TULP4: variants seen among roughly 807,000 people sequenced by gnomAD.
TULP4 encodes the protein TUB like protein 4, also known as tubby-related protein 4.
A neutral mutation model predicts 129.0 loss-of-function variants in TULP4; 16 were observed. The ratio of observed to expected loss-of-function variants is 0.12; its 90% CI spans 0.08 to 0.19. The LOEUF is 0.19. Ranked by LOEUF, TULP4 falls within the 10% of genes least tolerant of loss-of-function variation. The pLI is 1.00. For synonymous variants in TULP4, 998 were observed against 854.0 expected (o/e 1.17, Z -2.94); for missense variants, 1,842 against 2,059.1 (o/e 0.89, Z 2.04).
chr6:158,342,297 C>T (rs1562527169), intron 1 of TULP4, among the ~76,000 whole-genome samples: 1 of 152,194 alleles, frequency 6.6e-6, no homozygotes, highest in Non-Finnish European at 1.5e-5. Flanking sequence ...CTTTGTAAGG[C>T]TCTTTCTATT....
intron 1 of TULP4, among the ~76,000 whole-genome samples, chr6:158,318,729 T>A (rs368292294): frequency 2.0e-5 from 3 of 152,120 alleles, no homozygotes; most frequent in African/African-American, 7.2e-5. Context: ...ATCTTTTTTT[T>A]TTATTTAATT....
chr6:158,251,445 CTT>C (rs948630008), intron 1 of TULP4, among the ~76,000 whole-genome samples: 1 of 148,600 alleles, frequency 6.7e-6, no homozygotes, highest in African/African-American at 2.4e-5. Context: ...ATGATTCTAA[CTT>C]AGACTTAATA....
At position 158,401,600 on chromosome 6, in the gene TULP4, G is replaced by A. The variant is rs564081369; in HGVS notation, c.253-11465G>A. 8.0e-3 allele frequency among the ~76,000 whole-genome samples: 1,122 copies of A among 139,398 alleles called. 8 individuals carry two copies. Among genetic ancestry groups the A allele is most frequent in the East Asian group, 0.02 (64 of 3,208 alleles). 91.5% of individuals were successfully genotyped at this position (139,398 alleles called of 152,430 possible). A position where few individuals can be genotyped will look rare whatever the true frequency, so the allele number is the denominator to read the frequency against. On this transcript the variant is annotated intron_variant, in intron 1 of 13. Transcript: ENST00000367097. ...CATCTGGAAGCACTGCAGAAAACCCGTGCAGAGTCAAGCTGTGGGCCCAGG... is the reference window on the plus strand; with the variant it reads ...CATCTGGAAGCACTGCAGAAAACCCATGCAGAGTCAAGCTGTGGGCCCAGG...
chr6:158,256,305 A>C (rs1355729110), intron 1 of TULP4, among the ~76,000 whole-genome samples: 1 of 152,232 alleles, frequency 6.6e-6, no homozygotes, highest in Non-Finnish European at 1.5e-5. Flanking sequence ...GTGTTTCTGT[A>C]TGTATGTATA....
At chr6:158,427,992 G>GCA (rs1778540051) in intron 2 of TULP4, 2 of 151,298 alleles carry the variant, frequency 1.3e-5, no homozygotes, top group Non-Finnish European at 1.5e-5. Flanking sequence ...TGGTGGTGGT[G>GCA]CGTGCCTGTA....
At position 158,455,115 on chromosome 6, in the gene TULP4, C is replaced by T. The variant is rs1371462541; in HGVS notation, c.859+2847C>T. ...CGGAGTCTCGCTCTGTTGCCCAGGCCGGACTGCGGACTGCAATGGCGCAAT... is the reference window on the plus strand; with the variant it reads ...CGGAGTCTCGCTCTGTTGCCCAGGCTGGACTGCGGACTGCAATGGCGCAAT... On this transcript the variant is annotated intron_variant, in intron 5 of 13. Transcript: ENST00000367097. Among the ~76,000 whole-genome samples, 8 of 69,276 alleles carry T rather than the reference C, an allele frequency of 1.2e-4. 2 individuals are homozygous for T. The highest frequency in any genetic ancestry group is 8.4e-4 in the Admixed American group (6 of 7,180). 45.4% of individuals were successfully genotyped at this position (69,276 alleles called of 152,430 possible).
intron 6 of TULP4, among the ~76,000 whole-genome samples, chr6:158,467,141 CTG>C (rs886456005): frequency 6.6e-6 from 1 of 152,184 alleles, no homozygotes; most frequent in Non-Finnish European, 1.5e-5. Flanking sequence ...AGCAGTCAGC[CTG>C]TCCACTGAAT....
chr6:158,365,185 A>C (rs1436456253), intron 1 of TULP4, among the ~76,000 whole-genome samples: 1 of 151,930 alleles, frequency 6.6e-6, no homozygotes, highest in Non-Finnish European at 1.5e-5. Flanking sequence ...AAATCCTACT[A>C]GATGTGTTTC....
intron 4 of TULP4, among the ~76,000 whole-genome samples, chr6:158,451,181 T>C (rs1454173093): frequency 1.3e-5 from 2 of 152,214 alleles, no homozygotes; most frequent in Non-Finnish European, 2.9e-5. Flanking sequence ...AGTCCCTGGT[T>C]GCTCCTCCAG....
At chr6:158,310,431 C>T (rs1022245405), upstream of TULP4, 1 of 150,726 alleles carries the variant, frequency 6.6e-6, no homozygotes, top group South Asian at 2.1e-4. Context: ...AGCAATTCTT[C>T]TGCCTCAGCC....
At chr6:158,237,392 C>T (rs1777732467) in intron 1 of TULP4, 1 of 1,611,592 alleles carries the variant, frequency 6.2e-7, no homozygotes, top group African/African-American at 1.3e-5. Context: ...TTTTTTGTTG[C>T]TGGAGCCCCT....
intron 1 of TULP4, among the ~76,000 whole-genome samples, chr6:158,395,362 C>T (rs1252843410): frequency 6.6e-6 from 1 of 151,982 alleles, no homozygotes; most frequent in African/African-American, 2.4e-5. Context: ...AGGCGGATCA[C>T]CTAAGGTCGG....
At position 158,314,116 on chromosome 6, in the gene TULP4, C is replaced by T. The variant is rs780896544; in HGVS notation, c.100C>T (p.Pro34Ser). 6.2e-7 allele frequency: 1 copy of T among 1,614,172 alleles called. No homozygotes were observed. Among genetic ancestry groups the T allele is most frequent in the Admixed American group, 1.7e-5 (1 of 60,026 alleles). Reference protein sequence around the residue: ...GRVPKSEKEKPVCRRRYYEEG... With the variant: ...GRVPKSEKEKSVCRRRYYEEG... ...TGTCCCCAAGAGTGAGAAGGAGAAG[C>T]CTGTGTGCAGGAGACGCTACTATGA... The change falls in exon 1 of 14, where the codon CCT (proline) becomes TCT (serine). Residue 34 changes from proline (P) to serine (S), a missense_variant. Pro to Ser is a moderately conservative substitution (Grantham distance 74). Coordinates refer to ENST00000367097, the MANE Select transcript of TULP4 (RefSeq NM_020245.5).
intron 1 of TULP4, among the ~76,000 whole-genome samples, chr6:158,245,101 C>T (rs1314940274): frequency 1.3e-5 from 2 of 152,080 alleles, no homozygotes; most frequent in Non-Finnish European, 2.9e-5. Context: ...AATCCTCCTC[C>T]CTTAGCCTTC....
intron 9 of TULP4, among the ~76,000 whole-genome samples, chr6:158,490,023 T>G (rs1195585329): frequency 6.6e-6 from 1 of 152,196 alleles, no homozygotes; most frequent in Non-Finnish European, 1.5e-5. Context: ...GGCTTATATG[T>G]TTTTTCTTAT....
chr6:158,367,151 A>G (rs1583803254), intron 1 of TULP4, among the ~76,000 whole-genome samples: 1 of 152,110 alleles, frequency 6.6e-6, no homozygotes, highest in Non-Finnish European at 1.5e-5. Flanking sequence ...TTTCTTTCTC[A>G]GTACCCACCT....
rs80302624 is a variant in TULP4, at chr6:158,472,782, C to T, written c.1027-6969C>T. Among the ~76,000 whole-genome samples the T allele has an allele frequency of 5.4e-4, 83 of 152,308 alleles. 1 individual carries two copies. In the East Asian group the frequency reaches 0.016, roughly 29 times the overall value. On this transcript the variant is annotated intron_variant, in intron 6 of 13. Transcript: ENST00000367097. ...CAGCAGCAGCTTTAAAATTGATTCTCCTGATTTACTTGTAACAGCAATGCT... is the reference window on the plus strand; with the variant it reads ...CAGCAGCAGCTTTAAAATTGATTCTTCTGATTTACTTGTAACAGCAATGCT...
At position 158,503,709 on chromosome 6, in the gene TULP4, G is replaced by A. The variant is rs1272112637; in HGVS notation, c.4046G>A (p.Ser1349Asn). The change falls in exon 13 of 14, where the codon AGC becomes AAC. Residue 1349 changes from serine to asparagine, a missense_variant. Around this residue, in one of 5 missense-constraint regions of TULP4, gnomAD observed 1,089 missense variants for 987.1 expected, o/e 1.10. Transcript: ENST00000367097. This position sits in a 1 kb window ranked among gnomAD's most constrained non-coding sequence, Gnocchi z 4.3. ...CTGGACAGCCGAGCAGAAGAAGGCA[G>A]CGTTCAGGCCATCACTGAGGGCAAA... The part of the protein sequence containing the change: ...KRLDSRAEEG[S>N]VQAITEGKVK... 1.2e-6 allele frequency: 2 copies of A among 1,614,038 alleles called. No individual in the cohort carries two copies. Among genetic ancestry groups the A allele is most frequent in the East Asian group, 2.2e-5 (1 of 44,892 alleles).
At chr6:158,305,600 G>A (rs1334225381) in intron 1 of TULP4, among the ~76,000 whole-genome samples, 2 of 151,896 alleles carry the variant, frequency 1.3e-5, no homozygotes, top group Non-Finnish European at 2.9e-5. Context: ...AGCTATTTGG[G>A]AGGCTGAGGT....
Sources: gnomAD v4.1 joint callset for allele counts (sites outside exome capture counted in the v4.1 genomes callset) on GRCh38, gnomAD v4.1.1 for gene constraint, gnomAD v4.1.1 regional missense constraint, Gnocchi (gnomAD v3.1) non-coding constraint, MANE v1.5 for transcripts, NCBI Gene and HGNC (gene_info 2026-07-23, HGNC 2026-07-21) for gene names.